The following CNTNAP5 variants were observed in gnomAD, a reference collection of about 807,000 sequenced individuals.
CNTNAP5 encodes contactin-associated protein-like 5.
Under a neutral mutation model 150.2 loss-of-function variants are expected in CNTNAP5, and 72 were observed. The ratio of observed to expected loss-of-function variants is 0.48; its 90% confidence interval spans 0.40 to 0.58. CNTNAP5 has a LOEUF of 0.58. Among genes scored for constraint, CNTNAP5 ranks in the 20% least tolerant of loss-of-function variants. CNTNAP5 has a pLI of 0.00. For synonymous variants in CNTNAP5, 672 were observed against 619.8 expected (o/e 1.08, Z -1.25); for missense variants, 1,636 against 1,626.2 (o/e 1.01, Z -0.10).
intron 13 of CNTNAP5, among the ~76,000 whole-genome samples, chr2:124,728,247 A>G (rs866309644): frequency 4.6e-5 from 7 of 151,918 alleles, no homozygotes; most frequent in Admixed American, 2.6e-4. Flanking sequence ...GTTGGCTGCA[A>G]TTTTCTTTGC....
intron 1 of CNTNAP5, among the ~76,000 whole-genome samples, chr2:124,087,322 T>C (rs559254574): frequency 6.6e-6 from 1 of 152,052 alleles, no homozygotes; most frequent in East Asian, 1.9e-4. Context: ...TATTTTTTCT[T>C]TCTATTTAGA....
At chr2:124,044,677 T>C (rs1309368364) in intron 1 of CNTNAP5, among the ~76,000 whole-genome samples, 1 of 152,124 alleles carries the variant, frequency 6.6e-6, no homozygotes, top group African/African-American at 2.4e-5. Flanking sequence ...TTTCTGATAG[T>C]TCCCCAGTGT....
chr2:124,724,985 C>T (rs886567378), intron 13 of CNTNAP5, among the ~76,000 whole-genome samples: 2 of 139,624 alleles, frequency 1.4e-5, no homozygotes, highest in African/African-American at 2.7e-5. Flanking sequence ...AGAAATTCTT[C>T]CCCATGAAAT....
At position 124,242,378 on chromosome 2, in the gene CNTNAP5, A is replaced by G. The variant is rs374804172; in HGVS notation, c.366A>G (p.Gln122=). The change falls in exon 3 of 24, where the codon CAA becomes CAG. Residue 122 remains glutamine, a synonymous_variant. Coordinates refer to ENST00000682447, the MANE Select transcript of CNTNAP5 (RefSeq NM_001367498.1). ...DTGRNWKQYK[Q]EDSIWTFAGN... ...GACGCAACTGGAAACAGTACAAACA[A>G]GAAGACAGCATCTGGGTAGGACATC... 6.2e-7 allele frequency: 1 copy of G among 1,612,930 alleles called. No homozygotes were observed. Among genetic ancestry groups the G allele is most frequent in the Non-Finnish European group, 8.5e-7 (1 of 1,179,478 alleles).
chr2:124,281,574 A>T (rs1688012641), intron 3 of CNTNAP5, among the ~76,000 whole-genome samples: 1 of 152,190 alleles, frequency 6.6e-6, no homozygotes, highest in Non-Finnish European at 1.5e-5. Context: ...ACACATGAAG[A>T]TATTTAAAAG....
At chr2:124,179,915 G>A (rs540388718) in intron 1 of CNTNAP5, among the ~76,000 whole-genome samples, 4 of 151,942 alleles carry the variant, frequency 2.6e-5, no homozygotes, top group Admixed American at 6.5e-5. Flanking sequence ...CAGGAGACAC[G>A]TTTTGTATTT....
intron 3 of CNTNAP5, among the ~76,000 whole-genome samples, chr2:124,302,531 G>T (rs1206364551): frequency 6.6e-6 from 1 of 152,076 alleles, no homozygotes; most frequent in Non-Finnish European, 1.5e-5. Flanking sequence ...AGTGAGAGAG[G>T]AAAAGTACTA....
chr2:124,655,033 T>G (rs1678411844), intron 13 of CNTNAP5, among the ~76,000 whole-genome samples: 1 of 152,066 alleles, frequency 6.6e-6, no homozygotes, highest in Non-Finnish European at 1.5e-5. Context: ...ATGTGCATGT[T>G]TGTTACACAG....
intron 1 of CNTNAP5, among the ~76,000 whole-genome samples, chr2:124,104,341 G>A (rs923602745): frequency 1.3e-5 from 2 of 151,992 alleles, no homozygotes; most frequent in South Asian, 2.1e-4. Context: ...ATATCAGTAA[G>A]TGTCATTGAG....
chr2:124,038,672 T>C (rs1681285436), intron 1 of CNTNAP5, among the ~76,000 whole-genome samples: 1 of 152,166 alleles, frequency 6.6e-6, no homozygotes, highest in Non-Finnish European at 1.5e-5. Context: ...TAAAATAAAT[T>C]ACAAGAGCGG....
chr2:124,433,079 A>G (rs972704435), intron 4 of CNTNAP5, among the ~76,000 whole-genome samples: 8 of 152,186 alleles, frequency 5.3e-5, no homozygotes, highest in South Asian at 4.1e-4. Flanking sequence ...CCCAACTAAC[A>G]AACTATGACC....
At chr2:124,631,352 A>T (rs192181632) in intron 12 of CNTNAP5, among the ~76,000 whole-genome samples, 1 of 152,262 alleles carries the variant, frequency 6.6e-6, no homozygotes, top group East Asian at 1.9e-4. Context: ...AAACAAAGCA[A>T]TATGGTATTG....
chr2:124,374,451 AC>A (rs1690598031), intron 3 of CNTNAP5, among the ~76,000 whole-genome samples: 1 of 152,104 alleles, frequency 6.6e-6, no homozygotes, highest in Admixed American at 6.6e-5. Flanking sequence ...CTAGACTGTT[AC>A]ATCTGTGAGT....
Position 124,729,466 on chromosome 2 carries a change from A to G in CNTNAP5, c.2078-17763A>G, listed in dbSNP as rs371434253. Among the ~76,000 whole-genome samples, 15 of 152,236 alleles carry G rather than the reference A, an allele frequency of 9.9e-5. No homozygotes were observed. In the South Asian group the frequency reaches 2.9e-3, roughly 29 times the overall value. ...TTCTGAGCAATTTTTCTGACTAGGT[A>G]AAAAGCATTAATTTCAGATGCAATG... On this transcript the variant is annotated intron_variant, in intron 13 of 23. Transcript: ENST00000682447.
Position 124,612,195 on chromosome 2 carries a change from C to T in CNTNAP5, c.1876+2275C>T, listed in dbSNP as rs116183650. On this transcript the variant is annotated intron_variant, in intron 12 of 23. Transcript: ENST00000682447. The stretch of plus-strand genomic sequence containing the variant: ...GGAAATATTAAAGCCAACTGTAATC[C>T]GCAATCCAGAGATTGCCATTGTTAT... Among the ~76,000 whole-genome samples the T allele has an allele frequency of 1.9e-3, 284 of 152,036 alleles. 1 individual carries two copies. The highest frequency in any genetic ancestry group is 6.8e-3 in the Middle Eastern group (2 of 292).
Position 124,835,617 on chromosome 2 carries a change from C to T in CNTNAP5, c.3218-29689C>T, listed in dbSNP as rs79527779. 1.8e-4 allele frequency among the ~76,000 whole-genome samples: 27 copies of T among 152,138 alleles called. No homozygotes were observed. The East Asian group carries it at 5.2e-3, about 29-fold the overall frequency. ...ACCCTGGAATGGCATTTGACATTAC[C>T]CCGTCCCCAGGCATGATGTTAAGTG... On this transcript the variant is annotated intron_variant, in intron 19 of 23. Coordinates refer to ENST00000682447, the MANE Select transcript of CNTNAP5 (RefSeq NM_001367498.1).
intron 5 of CNTNAP5, among the ~76,000 whole-genome samples, chr2:124,443,811 G>A (rs1692734854): frequency 1.1e-5 from 1 of 92,556 alleles, no homozygotes; most frequent in African/African-American, 4.1e-5. Flanking sequence ...GTAATTCCTT[G>A]CCGTGTGTGT....
At position 124,341,381 on chromosome 2, in the gene CNTNAP5, T is replaced by C. The variant is rs72964667; in HGVS notation, c.382-76062T>C. On this transcript the variant is annotated intron_variant, in intron 3 of 23. Coordinates refer to ENST00000682447, the MANE Select transcript of CNTNAP5 (RefSeq NM_001367498.1). ...AAGCAATAGGCAAGCCAAAGTACCA[T>C]ACTTTGGGGTATGATTTTCTGAGCC... is the stretch of plus-strand genomic sequence containing the variant. Among the ~76,000 whole-genome samples, 1,285 of 152,224 alleles carry C rather than the reference T, an allele frequency of 8.4e-3. 21 individuals carry two copies. The highest frequency in any genetic ancestry group is 0.029 in the African/African-American group (1,219 of 41,544).
At chr2:124,876,694 A>G (rs190343590) in intron 21 of CNTNAP5, among the ~76,000 whole-genome samples, 1 of 152,192 alleles carries the variant, frequency 6.6e-6, no homozygotes, top group East Asian at 1.9e-4. Flanking sequence ...GGCTTCTCAA[A>G]TTATATTTCA....
Sources: gnomAD v4.1 joint callset for allele counts (sites outside exome capture counted in the v4.1 genomes callset) on GRCh38, gnomAD v4.1.1 for gene constraint, MANE v1.5 for transcripts, NCBI Gene and HGNC (gene_info 2026-07-23, HGNC 2026-07-21) for gene names.